Variants in PRELID2 observed in about 807,000 individuals in gnomAD.
PRELID2 encodes PRELI domain containing 2, also known as PRELI domain-containing protein 2.
A neutral mutation model predicts 28.4 loss-of-function variants in PRELID2; 25 were observed. The observed-to-expected ratio is 0.88, with a 90% CI of 0.64 to 1.23. The LOEUF (loss-of-function observed/expected upper bound fraction) is 1.23, where lower values mean the gene tolerates loss of function less well. Among genes scored for constraint, PRELID2 ranks in the 50% most tolerant of loss-of-function variants. The pLI is 0.00. For missense variants in PRELID2, 201 were observed against 214.4 expected (o/e 0.94, Z 0.39); for synonymous variants, 76 against 71.6 (o/e 1.06, Z -0.31).
At chr5:145,421,553 T>G in the PRELID2 span, among the ~76,000 whole-genome samples, 1 of 145,388 alleles carries the variant, frequency 6.9e-6, no homozygotes, top group African/African-American at 2.5e-5. Flanking sequence ...GATGGTAGTT[T>G]GTATTTCTGT....
chr5:145,712,266 A>G (rs1359393512), intron 1 of PRELID2, among the ~76,000 whole-genome samples: 4 of 152,244 alleles, frequency 2.6e-5, no homozygotes, highest in Non-Finnish European at 5.9e-5. Context: ...CTTAAAACTC[A>G]TCACTTCCTA....
the PRELID2 span, among the ~76,000 whole-genome samples, chr5:145,384,724 A>G: frequency 3.3e-5 from 5 of 152,136 alleles, no homozygotes; most frequent in South Asian, 1.0e-3. Context: ...GTTTACAATC[A>G]TGGCGGAAGG....
chr5:145,428,208 C>G, the PRELID2 span, among the ~76,000 whole-genome samples: 1 of 152,138 alleles, frequency 6.6e-6, no homozygotes, highest in African/African-American at 2.4e-5. Flanking sequence ...TTCCATCCAT[C>G]TCAGCCTCCC....
At chr5:145,541,950 T>G (rs1482014602) in intron 1 of PRELID2, among the ~76,000 whole-genome samples, 1 of 152,102 alleles carries the variant, frequency 6.6e-6, no homozygotes, top group South Asian at 2.1e-4. Context: ...GAGACTGATC[T>G]TTATGTTCTA....
At chr5:145,411,089 C>T in the PRELID2 span, among the ~76,000 whole-genome samples, 1 of 152,144 alleles carries the variant, frequency 6.6e-6, no homozygotes, top group Non-Finnish European at 1.5e-5. Context: ...AGTCTGTTTT[C>T]ATGCTGCTGA....
chr5:145,751,055 A>AT (rs1581138302), intron 1 of PRELID2, among the ~76,000 whole-genome samples: 1 of 152,140 alleles, frequency 6.6e-6, no homozygotes, highest in African/African-American at 2.4e-5. Context: ...GACAAATTAC[A>AT]TTTTTTTCTG....
chr5:145,505,268 A>G (rs543622015), intron 1 of PRELID2, among the ~76,000 whole-genome samples: 3 of 152,314 alleles, frequency 2.0e-5, no homozygotes, highest in East Asian at 1.9e-4. Context: ...GCCATCATCA[A>G]TGCCACCACT....
intron 1 of PRELID2, among the ~76,000 whole-genome samples, chr5:145,651,749 A>G (rs1471721392): frequency 2.6e-5 from 4 of 152,208 alleles, no homozygotes; most frequent in African/African-American, 9.6e-5. Context: ...CCAAAACCCC[A>G]TCTGCACGTC....
At chr5:145,590,022 A>C (rs1189831203) in intron 1 of PRELID2, among the ~76,000 whole-genome samples, 1 of 152,182 alleles carries the variant, frequency 6.6e-6, no homozygotes, top group Non-Finnish European at 1.5e-5. Flanking sequence ...ATTATGTACT[A>C]GGATTACGAA....
chr5:145,332,845 T>G, the PRELID2 span, among the ~76,000 whole-genome samples: 1 of 151,942 alleles, frequency 6.6e-6, no homozygotes, highest in Non-Finnish European at 1.5e-5. Flanking sequence ...AGAAGAAGAG[T>G]CATTCTGGTT....
At chr5:145,287,361 A>G in the PRELID2 span, among the ~76,000 whole-genome samples, 2 of 152,144 alleles carry the variant, frequency 1.3e-5, no homozygotes, top group African/African-American at 4.8e-5. Context: ...CTTGCTCTCA[A>G]AATGTCTTAT....
the PRELID2 span, among the ~76,000 whole-genome samples, chr5:145,388,335 G>T: frequency 1.9e-4 from 29 of 152,222 alleles, no homozygotes; most frequent in African/African-American, 7.0e-4. Context: ...ACTGCATCTT[G>T]GTCTGGACTA....
At chr5:145,368,243 T>C in the PRELID2 span, among the ~76,000 whole-genome samples, 5 of 151,938 alleles carry the variant, frequency 3.3e-5, no homozygotes, top group East Asian at 3.9e-4. Flanking sequence ...TATTAAATGA[T>C]TGAATGTTTT....
chr5:145,457,005 T>G, the PRELID2 span, among the ~76,000 whole-genome samples: 1 of 152,164 alleles, frequency 6.6e-6, no homozygotes, highest in East Asian at 1.9e-4. Flanking sequence ...GATAATATAA[T>G]CACCTAAGAG....
At chr5:145,570,050 G>A (rs947476806) in intron 1 of PRELID2, among the ~76,000 whole-genome samples, 2 of 152,110 alleles carry the variant, frequency 1.3e-5, no homozygotes, top group African/African-American at 4.8e-5. Context: ...CCAGCTTCTG[G>A]TTGTTCGCAT....
At chr5:145,259,290 G>T in the PRELID2 span, among the ~76,000 whole-genome samples, 7 of 152,182 alleles carry the variant, frequency 4.6e-5, no homozygotes, top group Admixed American at 6.5e-5. Context: ...GCCTAGTGGA[G>T]CTATGAGAAG....
the PRELID2 span, among the ~76,000 whole-genome samples, chr5:145,414,715 C>T: frequency 0.013 from 1,983 of 152,268 alleles, 34 homozygotes; most frequent in African/African-American, 0.045. Context: ...CTATTTTAAA[C>T]TTTTGCTGAA....
chr5:145,657,620 G>A (rs1754419744), intron 1 of PRELID2, among the ~76,000 whole-genome samples: 1 of 152,158 alleles, frequency 6.6e-6, no homozygotes, highest in Non-Finnish European at 1.5e-5. Context: ...GGGAGACAGA[G>A]GTTGCACTGA....
chr5:145,318,350 C>T, the PRELID2 span, among the ~76,000 whole-genome samples: 1 of 152,112 alleles, frequency 6.6e-6, no homozygotes, highest in Non-Finnish European at 1.5e-5. Flanking sequence ...ACTCTCATGA[C>T]CTGAGTTTTA....
Sources: allele counts gnomAD v4.1 joint callset (sites outside exome capture counted in the v4.1 genomes callset), GRCh38; gene constraint gnomAD v4.1.1; transcripts MANE v1.5; gene names NCBI Gene and HGNC (gene_info 2026-07-23, HGNC 2026-07-21).